The following ZFHX3 variants were observed in gnomAD, a reference collection of about 807,000 sequenced individuals.
The protein encoded by ZFHX3 is zinc finger homeobox protein 3.
Under a neutral mutation model 279.1 loss-of-function variants are expected in ZFHX3, and 42 were observed. The observed-to-expected ratio is 0.15, with a 90% CI of 0.12 to 0.19. ZFHX3 has a LOEUF of 0.19. ZFHX3 is among the 10% of genes least tolerant of loss of function. The pLI, the probability that ZFHX3 is intolerant of heterozygous loss-of-function variation, is 1.00. For missense variants in ZFHX3, 4,981 were observed against 4,754.0 expected (o/e 1.05, Z -1.40); for synonymous variants, 2,293 against 1,957.8 (o/e 1.17, Z -4.52).
chr16:73,424,531 G>A (rs1264193430), intron 3 of ZFHX3, among the ~76,000 whole-genome samples: 2 of 152,040 alleles, frequency 1.3e-5, no homozygotes, highest in African/African-American at 4.8e-5. Context: ...GTTCACTTGA[G>A]TCCAGGAGCT....
Position 72,787,173 on chromosome 16 carries a change from G to A in ZFHX3, c.11103C>T (p.Phe3701=). ...SGLTSVGTDT[F]RL ...TGTTCATCTTCAAAGCTTACAATCT[G>A]AAGGTGTCCGTTCCTACACTGGTCA... is the stretch of plus-strand genomic sequence containing the variant. The change falls in exon 10 of 10, where the codon TTC becomes TTT. Residue 3701 remains phenylalanine, a synonymous_variant. Coordinates refer to ENST00000268489, the MANE Select transcript of ZFHX3 (RefSeq NM_006885.4). 1 of 1,561,278 alleles carries A rather than the reference G, an allele frequency of 6.4e-7. No individual in the cohort carries two copies.
At chr16:73,622,276 G>C (rs2052370483) in intron 2 of ZFHX3, among the ~76,000 whole-genome samples, 1 of 152,230 alleles carries the variant, frequency 6.6e-6, no homozygotes, top group African/African-American at 2.4e-5. Flanking sequence ...AAGGAATATG[G>C]GGCCGGGCAC....
intron 4 of ZFHX3, among the ~76,000 whole-genome samples, chr16:73,286,729 G>C (rs1273091946): frequency 1.3e-5 from 2 of 150,514 alleles, no homozygotes; most frequent in Non-Finnish European, 3.0e-5. Context: ...ATGTGTGGCT[G>C]TGTGGCTGTG....
chr16:72,787,878 G>A lies in ZFHX3; in HGVS notation c.10398C>T (p.Val3466=), dbSNP rs1359356304. The part of the protein sequence containing the change: ...FIVPKVQYKL[V]CRKCQAGFSD... The stretch of plus-strand genomic sequence containing the variant: ...TGAAGCCCGCCTGGCACTTGCGGCA[G>A]ACCAACTTGTACTGCACCTTTGGAA... The change falls in exon 10 of 10, where the codon GTC becomes GTT. Residue 3466 remains valine (V), a synonymous_variant. Transcript: ENST00000268489. The A allele has an allele frequency of 5.6e-6, 9 of 1,613,996 alleles. No homozygotes were observed. Among genetic ancestry groups the A allele is most frequent in the Non-Finnish European group, 7.6e-6 (9 of 1,180,016 alleles).
At chr16:73,112,688 C>T (rs1966388979) in intron 7 of ZFHX3, among the ~76,000 whole-genome samples, 1 of 133,772 alleles carries the variant, frequency 7.5e-6, no homozygotes, top group South Asian at 2.5e-4. Context: ...TGCACTCCAG[C>T]CTGGGCGACG....
intron 2 of ZFHX3, among the ~76,000 whole-genome samples, chr16:73,603,166 T>G (rs2052140668): frequency 6.6e-6 from 1 of 150,934 alleles, no homozygotes; most frequent in Admixed American, 6.6e-5. Flanking sequence ...GCGTCTGTAG[T>G]CCCAGCTACT....
intron 3 of ZFHX3, among the ~76,000 whole-genome samples, chr16:73,451,439 C>T (rs1386745042): frequency 6.6e-6 from 1 of 152,184 alleles, no homozygotes; most frequent in African/African-American, 2.4e-5. Flanking sequence ...TCTGTGGCTT[C>T]TCCTGTAGCC....
At chr16:73,787,848 TGTGTGA>T (rs1238640044) in intron 1 of ZFHX3, among the ~76,000 whole-genome samples, 18 of 148,916 alleles carry the variant, frequency 1.2e-4, no homozygotes, top group African/African-American at 2.5e-4. Context: ...TGTGTGTGTG[TGTGTGA>T]AAGAGAGAGA....
chr16:73,370,061 G>A (rs1404394791), intron 3 of ZFHX3, among the ~76,000 whole-genome samples: 1 of 152,290 alleles, frequency 6.6e-6, no homozygotes, highest in South Asian at 2.1e-4. Context: ...TCACACTGAG[G>A]TCAGTGCCTC....
At chr16:73,454,276 AT>A (rs1170795889) in intron 3 of ZFHX3, among the ~76,000 whole-genome samples, 1 of 152,114 alleles carries the variant, frequency 6.6e-6, no homozygotes, top group Non-Finnish European at 1.5e-5. Context: ...TACCCATGAC[AT>A]TTTATTCTAG....
rs187341895 is a variant in ZFHX3, at chr16:73,331,134, C to T, written c.-1290-12798G>A. 3.3e-5 allele frequency among the ~76,000 whole-genome samples: 5 copies of T among 152,324 alleles called. No individual in the cohort carries two copies. In the East Asian group the frequency reaches 5.8e-4, roughly 18 times the overall value. On this transcript the variant is annotated intron_variant, in intron 3 of 17. Transcript: ENST00000641206. ...CATGGTGGAAGGGGAAGCAAACACA[C>T]CCTTCTTCACATGGTGGCAGGAGAG...
At chr16:73,849,365 C>T (rs1322089572) in intron 1 of ZFHX3, among the ~76,000 whole-genome samples, 2 of 152,150 alleles carry the variant, frequency 1.3e-5, no homozygotes, top group African/African-American at 4.8e-5. Flanking sequence ...CAGCCTTCTC[C>T]CCTGTTGTGA....
intron 1 of ZFHX3, among the ~76,000 whole-genome samples, chr16:73,730,978 A>G (rs1184532957): frequency 1.3e-5 from 2 of 152,210 alleles, no homozygotes; most frequent in African/African-American, 4.8e-5. Flanking sequence ...AAGAGTGAAG[A>G]CTTGAAAATC....
intron 2 of ZFHX3, among the ~76,000 whole-genome samples, chr16:73,581,830 C>T (rs1310856425): frequency 6.6e-6 from 1 of 151,494 alleles, no homozygotes; most frequent in East Asian, 1.9e-4. Flanking sequence ...CCACCACACA[C>T]ACCTGGCTAA....
intron 1 of ZFHX3, among the ~76,000 whole-genome samples, chr16:73,751,119 T>C (rs777367326): frequency 1.2e-4 from 18 of 152,192 alleles, no homozygotes; most frequent in Non-Finnish European, 2.4e-4. Flanking sequence ...CCAGAAACTA[T>C]GTATGTCTCA....
chr16:73,721,330 C>A (rs891305683), intron 1 of ZFHX3, among the ~76,000 whole-genome samples: 5 of 152,220 alleles, frequency 3.3e-5, no homozygotes, highest in East Asian at 3.9e-4. Context: ...CCATGTTGGC[C>A]GGGCTGGTCT....
chr16:72,971,878 A>ATTTTTTTTTTTTTTTTTTTTTTTTTTT (rs34508228), intron 1 of ZFHX3, among the ~76,000 whole-genome samples: 1 of 95,466 alleles, frequency 1.0e-5, no homozygotes. Flanking sequence ...CTGCCTATTA[A>ATTTTTTTTTTTTTTTTTTTTTTTTTTT]TTTTTTTTTT....
intron 2 of ZFHX3, among the ~76,000 whole-genome samples, chr16:73,518,578 C>T (rs1288118993): frequency 6.6e-6 from 1 of 152,082 alleles, no homozygotes; most frequent in Non-Finnish European, 1.5e-5. Flanking sequence ...AGACTCTGCC[C>T]CGAGCAAGAC....
chr16:73,286,822 G>T (rs2014615250), intron 4 of ZFHX3, among the ~76,000 whole-genome samples: 1 of 148,218 alleles, frequency 6.7e-6, no homozygotes. Flanking sequence ...TGGCTGTGTG[G>T]GTCGGTGTGT....
Sources: allele counts gnomAD v4.1 joint callset (sites outside exome capture counted in the v4.1 genomes callset), GRCh38; gene constraint gnomAD v4.1.1; transcripts MANE v1.5; gene names NCBI Gene and HGNC (gene_info 2026-07-23, HGNC 2026-07-21).